NFATC2: variants seen among roughly 807,000 people sequenced by gnomAD.
NFATC2 encodes nuclear factor of activated T cells 2.
In NFATC2, 22 loss-of-function variants were observed where a neutral mutation model predicts 87.3. That is an observed-to-expected ratio of 0.25 (90% CI 0.18 to 0.36). The LOEUF (loss-of-function observed/expected upper bound fraction) is 0.36. Among genes scored for constraint, NFATC2 ranks in the 10% least tolerant of loss-of-function variants. The pLI, the probability that NFATC2 is intolerant of heterozygous loss-of-function variation, is 1.00. For missense variants in NFATC2, 1,149 were observed against 1,259.1 expected (o/e 0.91, Z 1.32); for synonymous variants, 565 against 542.2 (o/e 1.04, Z -0.58).
chr20:51,536,875 A>T (rs1434409625), intron 1 of NFATC2, among the ~76,000 whole-genome samples: 1 of 150,868 alleles, frequency 6.6e-6, no homozygotes, highest in Non-Finnish European at 1.5e-5. Flanking sequence ...CTTAGTGTAG[A>T]ACACTATTTT....
intron 1 of NFATC2, among the ~76,000 whole-genome samples, chr20:51,527,053 C>T (rs1445235719): frequency 2.0e-5 from 3 of 151,984 alleles, no homozygotes; most frequent in Non-Finnish European, 2.9e-5. Flanking sequence ...TGCACACCAC[C>T]GGGCTCAGCT....
At position 51,441,146 on chromosome 20, in the gene NFATC2, G is replaced by A. The variant is rs111393987; in HGVS notation, c.1850-5385C>T. Among the ~76,000 whole-genome samples, 1,107 of 152,248 alleles carry A rather than the reference G, an allele frequency of 7.3e-3. 20 individuals carry two copies. Among genetic ancestry groups the A allele is most frequent in the African/African-American group, 0.025 (1,042 of 41,536 alleles). ...ACAAATACAAAAATTAGCGAGGCAT[G>A]GTGGCGGGCACTTGCAATCCCAGCT... On this transcript the variant is annotated intron_variant, in intron 6 of 10. Transcript: ENST00000371564.
chr20:51,519,215 G>A (rs540670673), intron 2 of NFATC2, among the ~76,000 whole-genome samples: 1 of 152,136 alleles, frequency 6.6e-6, no homozygotes, highest in African/African-American at 2.4e-5. Context: ...CTTTAGCCCT[G>A]TATTAATATG....
intron 1 of NFATC2, among the ~76,000 whole-genome samples, chr20:51,530,972 G>T (rs981823171): frequency 1.3e-5 from 2 of 152,206 alleles, no homozygotes; most frequent in African/African-American, 4.8e-5. Flanking sequence ...TTATGAAGAT[G>T]ATTATAATGC....
At chr20:51,509,800 C>A (rs147807902) in intron 3 of NFATC2, among the ~76,000 whole-genome samples, 1 of 152,232 alleles carries the variant, frequency 6.6e-6, no homozygotes, top group Non-Finnish European at 1.5e-5. Context: ...TGAAATCCAA[C>A]AGAATGAGCA....
At chr20:51,492,566 G>A (rs1411097444) in intron 3 of NFATC2, among the ~76,000 whole-genome samples, 5 of 152,330 alleles carry the variant, frequency 3.3e-5, no homozygotes, top group Middle Eastern at 3.4e-3. Context: ...TTTTCCGGCC[G>A]AGGAACACCA....
At position 51,391,065 on chromosome 20, in the gene NFATC2, C is replaced by T; in HGVS notation, c.*431G>A. ...TCTGTCCCCCGTCCATCCCCCCAAG[C>T]TCCAGTCACTCTGTTCTCAGGAGAG... is the stretch of plus-strand genomic sequence containing the variant. On this transcript the variant is annotated 3_prime_UTR_variant, in exon 11 of 11. Transcript: ENST00000371564. 2 of 454,828 alleles carry T rather than the reference C, an allele frequency of 4.4e-6. No homozygotes were observed. The highest frequency in any genetic ancestry group is 8.3e-6 in the Non-Finnish European group (2 of 241,542). 28.2% of individuals were successfully genotyped at this position (454,828 alleles called of 1,614,324 possible).
intron 2 of NFATC2, among the ~76,000 whole-genome samples, chr20:51,519,956 A>C (rs1185834215): frequency 6.6e-6 from 1 of 151,874 alleles, no homozygotes; most frequent in East Asian, 1.9e-4. Flanking sequence ...AGAGCATCAG[A>C]GCCAGCATGA....
At chr20:51,477,541 A>G (rs1387110916) in intron 3 of NFATC2, among the ~76,000 whole-genome samples, 16 of 63,658 alleles carry the variant, frequency 2.5e-4, no homozygotes, top group East Asian at 3.9e-4. Context: ...GTGTCTATAT[A>G]TATATATATA....
intron 6 of NFATC2, among the ~76,000 whole-genome samples, chr20:51,438,488 A>G (rs1291331200): frequency 6.6e-6 from 1 of 151,714 alleles, no homozygotes; most frequent in African/African-American, 2.4e-5. Flanking sequence ...ATAATGGGGA[A>G]GAAAGGGAGA....
chr20:51,513,104 A>G (rs2076297675), intron 3 of NFATC2, among the ~76,000 whole-genome samples: 1 of 152,188 alleles, frequency 6.6e-6, no homozygotes, highest in Non-Finnish European at 1.5e-5. Flanking sequence ...TATTCAAATG[A>G]CTTTTTAAAA....
chr20:51,465,262 C>T (rs1373739504), intron 5 of NFATC2, among the ~76,000 whole-genome samples: 24 of 152,104 alleles, frequency 1.6e-4, no homozygotes, highest in Admixed American at 1.6e-3. Flanking sequence ...CTCCTGTAGT[C>T]CCAGCTACTC....
chr20:51,439,356 C>A (rs1468320886), intron 6 of NFATC2, among the ~76,000 whole-genome samples: 1 of 152,218 alleles, frequency 6.6e-6, no homozygotes, highest in Non-Finnish European at 1.5e-5. Context: ...AGAGCACAGG[C>A]CAAGGTCACA....
chr20:51,538,667 T>C (rs769474466), intron 1 of NFATC2, among the ~76,000 whole-genome samples: 8 of 152,178 alleles, frequency 5.3e-5, no homozygotes, highest in Non-Finnish European at 1.0e-4. Flanking sequence ...AAATAAACAA[T>C]GGCTCATATT....
chr20:51,467,858 T>C (rs914438608), intron 5 of NFATC2, among the ~76,000 whole-genome samples: 4 of 152,152 alleles, frequency 2.6e-5, no homozygotes, highest in African/African-American at 9.7e-5. Context: ...CAGAAGGACT[T>C]GAGTAGGAAT....
upstream of NFATC2, among the ~76,000 whole-genome samples, chr20:51,543,557 C>T (rs1177738242): frequency 6.6e-5 from 10 of 152,142 alleles, no homozygotes; most frequent in Non-Finnish European, 1.5e-4. Context: ...CTCGAAGGGG[C>T]TGGGTGTGCT....
At chr20:51,534,243 C>T (rs775613838) in intron 1 of NFATC2, among the ~76,000 whole-genome samples, 27 of 132,292 alleles carry the variant, frequency 2.0e-4, no homozygotes, top group Non-Finnish European at 4.3e-4. Flanking sequence ...GTGGGGGCTG[C>T]AGCGGGGGCC....
At position 51,525,201 on chromosome 20, in the gene NFATC2, T is replaced by C. The variant is rs1418763122; in HGVS notation, c.131-1091A>G. Among the ~76,000 whole-genome samples the C allele has an allele frequency of 2.0e-5, 3 of 152,208 alleles. No individual in the cohort carries two copies. The East Asian group carries it at 5.8e-4, about 29-fold the overall frequency. ...TGCCACTGCATGCCGGCCTGGGTGA[T>C]AGAGTGAGACTCTGTCTCAAAAATA... On this transcript the variant is annotated intron_variant, in intron 1 of 10. Coordinates refer to ENST00000371564, the MANE Select transcript of NFATC2 (RefSeq NM_012340.5).
chr20:51,407,964 C>T (rs1009828919), intron 9 of NFATC2, among the ~76,000 whole-genome samples: 1 of 152,188 alleles, frequency 6.6e-6, no homozygotes, highest in Non-Finnish European at 1.5e-5. Flanking sequence ...CTCAGGAAAC[C>T]TGAGCTGTTT....
Sources: gnomAD v4.1 joint callset for allele counts (sites outside exome capture counted in the v4.1 genomes callset) on GRCh38, gnomAD v4.1.1 for gene constraint, MANE v1.5 for transcripts, NCBI Gene and HGNC (gene_info 2026-07-23, HGNC 2026-07-21) for gene names.